The following ANO9 variants were observed in gnomAD, a reference collection of about 807,000 sequenced individuals.
ANO9 encodes the protein anoctamin 9.
Under a neutral mutation model 100.5 loss-of-function variants are expected in ANO9, and 80 were observed. That is an observed-to-expected ratio of 0.80 (90% confidence interval 0.66 to 0.96). The LOEUF (loss-of-function observed/expected upper bound fraction) is 0.96, where lower values mean the gene tolerates loss of function less well. Among genes scored for constraint, ANO9 ranks in the 40% least tolerant of loss-of-function variants. The pLI, the probability that ANO9 is intolerant of heterozygous loss-of-function variation, is 0.00. For missense variants in ANO9, 1,064 were observed against 1,072.7 expected (o/e 0.99, Z 0.11); for synonymous variants, 473 against 435.6 (o/e 1.09, Z -1.07).
chr11:418,419 G>T lies in ANO9; in HGVS notation c.2301C>A (p.Ala767=). Residue 767 remains alanine (A), a synonymous_variant, in exon 23 of 23, where the codon GCC becomes GCA. Transcript: ENST00000332826. ...VGAGSRPPMP[A]HPTPASIFSA... ...TGAAGATGGATGCTGGGGTGGGATGGGCAGGCATTGGGGGCCGAGAGCCTG... is the reference window on the plus strand; with the variant it reads ...TGAAGATGGATGCTGGGGTGGGATGTGCAGGCATTGGGGGCCGAGAGCCTG... The T allele has an allele frequency of 6.2e-7, 1 of 1,612,530 alleles. No individual in the cohort carries two copies. Among genetic ancestry groups the T allele is most frequent in the South Asian group, 1.1e-5 (1 of 91,074 alleles).
Position 418,212 on chromosome 11 carries a change from G to T in ANO9, c.*159C>A. 2 of 722,334 alleles carry T rather than the reference G, an allele frequency of 2.8e-6. No individual in the cohort carries two copies. Among genetic ancestry groups the T allele is most frequent in the Non-Finnish European group, 2.2e-6 (1 of 450,028 alleles). The allele number at this position is 722,334 out of a possible 1,614,324, so 44.7% of individuals were successfully genotyped here. Reference sequence around the variant, plus strand: ...CACAAAGACGGAGCAGGCGGAATAGGGTGGCAGCTCACAGCCCTGAACATA... The same window carrying T: ...CACAAAGACGGAGCAGGCGGAATAGTGTGGCAGCTCACAGCCCTGAACATA... On this transcript the variant is annotated 3_prime_UTR_variant, in exon 23 of 23. Coordinates refer to ENST00000332826, the MANE Select transcript of ANO9 (RefSeq NM_001012302.3).
chr11:419,894 G>C (rs1848071063), intron 19 of ANO9, 165 bp from the exon 20 acceptor site: 1 of 1,429,038 alleles, frequency 7.0e-7, no homozygotes, highest in South Asian at 1.4e-5. Context: ...CCATGGCAGA[G>C]CATGGCCTCT....
At chr11:433,786 G>A in intron 3 of ANO9, 29 bp downstream of exon 3, 2 of 1,546,862 alleles carry the variant, frequency 1.3e-6, no homozygotes, top group Non-Finnish European at 8.7e-7. Context: ...CGGCCCCATG[G>A]CCCTGCCCCT....
chr11:424,689 C>G (rs1446792403), intron 15 of ANO9, among the ~76,000 whole-genome samples: 1 of 151,782 alleles, frequency 6.6e-6, no homozygotes. Flanking sequence ...AAAAATGGAC[C>G]CTTTAGGAAA....
Position 434,048 on chromosome 11 carries a change from C to A in ANO9, c.57G>T (p.Pro19=). ...ILVEPEGDSF[P]LMEISTCETE... ...CCTCACAGGTGCTGATCTCCATCAG[C>A]GGGAAGCTGTCCCCTTCGGGCTCCA... The change falls in exon 2 of 23, where the codon CCG becomes CCT. Residue 19 remains proline, a synonymous_variant. Coordinates refer to ENST00000332826, the MANE Select transcript of ANO9 (RefSeq NM_001012302.3). The A allele has an allele frequency of 2.6e-6, 4 of 1,551,042 alleles. No individual in the cohort carries two copies. Among genetic ancestry groups the A allele is most frequent in the Non-Finnish European group, 3.5e-6 (4 of 1,147,378 alleles).
At position 432,455 on chromosome 11, in the gene ANO9, A is replaced by G. The variant is rs1406823022; in HGVS notation, c.351-401T>C. 5.0e-6 allele frequency: 1 copy of G among 200,220 alleles called. No individual in the cohort carries two copies. Among genetic ancestry groups the G allele is most frequent in the Non-Finnish European group, 1.0e-5 (1 of 98,164 alleles). The allele number at this position is 200,220 out of a possible 1,614,324, so 12.4% of individuals were successfully genotyped here. On this transcript the variant is annotated intron_variant, in intron 4 of 22. Transcript: ENST00000332826. The surrounding 1 kb of genome is among the most constrained non-coding windows in gnomAD (Gnocchi z 4.8). ...GGAGCTGTTCTGTTCCACTGTGCAG[A>G]GCAGAGACTGGGGCTCAGGAAAGGG...
chr11:438,251 G>A (rs967895563), intron 1 of ANO9, among the ~76,000 whole-genome samples: 8 of 151,778 alleles, frequency 5.3e-5, no homozygotes, highest in Admixed American at 2.6e-4. Flanking sequence ...CACCTGGGGC[G>A]TGCCAGCCCC....
At chr11:428,328 C>T (rs749836262) in intron 14 of ANO9, 30 bp downstream of exon 14, 1 of 1,612,072 alleles carries the variant, frequency 6.2e-7, no homozygotes. Context: ...CCGCCGGGTC[C>T]CCCAAGAGGG....
In ANO9 at chr11:429,095, A is replaced by G. The variant is rs539060382; in HGVS notation, c.916-269T>C. Among the ~76,000 whole-genome samples the G allele has an allele frequency of 2.8e-4, 37 of 131,892 alleles. 1 individual carries two copies. Among genetic ancestry groups the G allele is most frequent in the African/African-American group, 1.0e-3 (34 of 32,440 alleles). The allele number at this position is 131,892 out of a possible 152,430, so 86.5% of individuals were successfully genotyped here. A position where few individuals can be genotyped will look rare whatever the true frequency, so the allele number is the denominator to read the frequency against. On this transcript the variant is annotated intron_variant, in intron 11 of 22. Coordinates refer to ENST00000332826, the MANE Select transcript of ANO9 (RefSeq NM_001012302.3). Reference sequence around the variant, plus strand: ...TGGACAGACACGGGACACTCATCCCACACGTGGGGAGACAGACACAGGGAC... The same window carrying G: ...TGGACAGACACGGGACACTCATCCCGCACGTGGGGAGACAGACACAGGGAC...
In ANO9 at chr11:431,726, G is replaced by C. The variant is rs767422491; in HGVS notation, c.507C>G (p.His169Gln). The C allele has an allele frequency of 6.2e-7, 1 of 1,612,622 alleles. No individual in the cohort carries two copies. Among genetic ancestry groups the C allele is most frequent in the East Asian group, 2.2e-5 (1 of 44,874 alleles). The part of the protein sequence containing the change: ...RLKKTWARWR[H>Q]MFREQPVDEI... ...CATCAACTGGCTGCTCCCGGAACAT[G>C]TGTCTCCACCGCGCCCACGTCTTCT... The change falls in exon 7 of 23, where the codon CAC becomes CAG. Residue 169 changes from histidine to glutamine, a missense_variant. Transcript: ENST00000332826.
At position 432,375 on chromosome 11, in the gene ANO9, C is replaced by A. The variant is rs1210128287; in HGVS notation, c.351-321G>T. On this transcript the variant is annotated intron_variant, in intron 4 of 22. Transcript: ENST00000332826. This position sits in a 1 kb window ranked among gnomAD's most constrained non-coding sequence, Gnocchi z 4.8. ...CAACCACACCTCCCACCTGCGGGCC[C>A]CATGTGTCCAGAGCACACCCCAGCC... The A allele has an allele frequency of 1.3e-5, 6 of 451,982 alleles. No individual in the cohort carries two copies. In the East Asian group the frequency reaches 2.5e-4, roughly 19 times the overall value. 28.0% of individuals were successfully genotyped at this position (451,982 alleles called of 1,614,324 possible). A position where few individuals can be genotyped will look rare whatever the true frequency, so the allele number is the denominator to read the frequency against.
rs765542105 is a variant in ANO9 at position 421,236 on chromosome 11, C to T, written c.1335-38G>A. The T allele has an allele frequency of 3.4e-6, 5 of 1,481,456 alleles. No individual in the cohort carries two copies. Among genetic ancestry groups the T allele is most frequent in the Admixed American group, 2.4e-5 (1 of 42,054 alleles). 91.8% of individuals were successfully genotyped at this position (1,481,456 alleles called of 1,614,324 possible). On this transcript the variant is annotated intron_variant, in intron 15 of 22. Transcript: ENST00000332826. The surrounding 1 kb of genome is among the most constrained non-coding windows in gnomAD (Gnocchi z 6.8). ...GGGAAGTCTGGGGCACTGCGGGCAG[C>T]GCCCTGCCTCTGACAGGGTGGGTGC...
Position 420,587 on chromosome 11 carries a change from G to T in ANO9, c.1662C>A (p.Phe554Leu). The change falls in exon 19 of 23, where the codon TTC becomes TTA. Residue 554 changes from phenylalanine to leucine, a missense_variant. Phe to Leu is a conservative substitution (Grantham distance 22). Coordinates refer to ENST00000332826, the MANE Select transcript of ANO9 (RefSeq NM_001012302.3). ...MMIQYGFTTI[F>L]VAAFPLAPLL... ...GCGGCGCCAGCGGGAAGGCGGCCAC[G>T]AAGATGGTGGTGAAGCCGTACTGGA... 6.2e-7 allele frequency: 1 copy of T among 1,605,068 alleles called. No individual in the cohort carries two copies.
chr11:424,977 G>C lies in ANO9; in HGVS notation c.1334+3111C>G, dbSNP rs1256531348. 2.0e-5 allele frequency among the ~76,000 whole-genome samples: 3 copies of C among 149,142 alleles called. 1 individual carries two copies. Among genetic ancestry groups the C allele is most frequent in the Non-Finnish European group, 4.5e-5 (3 of 67,168 alleles). On this transcript the variant is annotated intron_variant, in intron 15 of 22. Transcript: ENST00000332826. The stretch of plus-strand genomic sequence containing the variant: ...AAGGCGGCGCGGAGACGGGACGCGC[G>C]GGAGGAAAAGGCGGCGGGGAGACGG...
At chr11:419,196 A>T in intron 20 of ANO9, 1 of 1,431,320 alleles carries the variant, frequency 7.0e-7, no homozygotes, top group Non-Finnish European at 9.1e-7. Context: ...GGGCATCACC[A>T]GCCACTTTCC....
At chr11:434,949 G>A (rs1238183391) in intron 1 of ANO9, among the ~76,000 whole-genome samples, 4 of 152,260 alleles carry the variant, frequency 2.6e-5, no homozygotes, top group East Asian at 1.9e-4. Context: ...CCGCATCCTC[G>A]CCAAGCTCAA....
chr11:421,723 G>A lies in ANO9; in HGVS notation c.1335-525C>T, dbSNP rs1189103166. Among the ~76,000 whole-genome samples, 5 of 152,204 alleles carry A rather than the reference G, an allele frequency of 3.3e-5. No homozygotes were observed. Among genetic ancestry groups the A allele is most frequent in the African/African-American group, 1.2e-4 (5 of 41,438 alleles). ...GACAGTGTCTGTTACGAGTGGCCTC[G>A]GTTTCTCCCCGTGGAAACGGCACGA... On this transcript the variant is annotated intron_variant, in intron 15 of 22. Coordinates refer to ENST00000332826, the MANE Select transcript of ANO9 (RefSeq NM_001012302.3). The surrounding 1 kb of genome is among the most constrained non-coding windows in gnomAD (Gnocchi z 6.8).
intron 1 of ANO9, among the ~76,000 whole-genome samples, chr11:435,094 G>C (rs1849345927): frequency 6.6e-6 from 1 of 152,168 alleles, no homozygotes; most frequent in Non-Finnish European, 1.5e-5. Context: ...TTGTAGTGTA[G>C]TGTAGTGTAG....
At position 428,355 on chromosome 11, in the gene ANO9, C is replaced by T. The variant is rs1300604382; in HGVS notation, c.1222+3G>A. 2 of 1,612,424 alleles carry T rather than the reference C, an allele frequency of 1.2e-6. No homozygotes were observed. The highest frequency in any genetic ancestry group is 1.7e-6 in the Non-Finnish European group (2 of 1,179,950). On this transcript the variant is annotated splice_donor_region_variant and intron_variant, in intron 14 of 22. Coordinates refer to ENST00000332826, the MANE Select transcript of ANO9 (RefSeq NM_001012302.3). ...CCAAGAGGGTCTGGGGTAGTCCTCTCACCGAAGTCACAAAGCTTCAGGGCC... is the reference window on the plus strand; with the variant it reads ...CCAAGAGGGTCTGGGGTAGTCCTCTTACCGAAGTCACAAAGCTTCAGGGCC...
Sources: gnomAD v4.1 joint callset for allele counts (sites outside exome capture counted in the v4.1 genomes callset) on GRCh38, gnomAD v4.1.1 for gene constraint, Gnocchi (gnomAD v3.1) non-coding constraint, MANE v1.5 for transcripts, NCBI Gene and HGNC (gene_info 2026-07-23, HGNC 2026-07-21) for gene names.